Variants in TOB2 observed in about 807,000 individuals in gnomAD.
TOB2 encodes the protein transducer of ERBB2, 2.
In TOB2, 3 loss-of-function variants were observed where a neutral mutation model predicts 17.3. The observed-to-expected ratio is 0.17, with a 90% confidence interval of 0.08 to 0.45. The LOEUF is 0.45. TOB2 is among the 20% of genes least tolerant of loss of function. The pLI is 0.99. For missense variants in TOB2, 407 were observed against 445.7 expected (o/e 0.91, Z 0.78); for synonymous variants, 163 against 185.6 (o/e 0.88, Z 0.99).
At chr22:41,439,772 T>C (rs970390389) in intron 1 of TOB2, among the ~76,000 whole-genome samples, 1 of 152,170 alleles carries the variant, frequency 6.6e-6, no homozygotes, top group African/African-American at 2.4e-5. Context: ...TGCCTTGGTC[T>C]CCCAAAGTGC....
chr22:41,436,668 G>A lies in TOB2; in HGVS notation c.678C>T (p.Ser226=), dbSNP rs764562806. The A allele has an allele frequency of 3.1e-6, 5 of 1,614,056 alleles. No homozygotes were observed. Among genetic ancestry groups the A allele is most frequent in the Non-Finnish European group, 4.2e-6 (5 of 1,180,012 alleles). The change falls in exon 2 of 2, where the codon AGC becomes AGT. Residue 226 remains serine (S), a synonymous_variant. Transcript: ENST00000327492. This position sits in a 1 kb window ranked among gnomAD's most constrained non-coding sequence, Gnocchi z 4.8. ...QPRMARSPTN[S]LLKHKSLSLS... ...GAGAGAGGCTCTTGTGCTTCAGCAG[G>A]CTGTTGGTGGGTGAGCGGGCCATGC...
At chr22:41,439,864 GA>G in intron 1 of TOB2, among the ~76,000 whole-genome samples, 2 of 152,264 alleles carry the variant, frequency 1.3e-5, no homozygotes, top group East Asian at 1.9e-4. Flanking sequence ...TTTCTGGGGT[GA>G]ATGTATCAGA....
rs930092774 is a variant in TOB2, at chr22:41,435,141, G to A, written c.*1170C>T. The A allele has an allele frequency of 6.6e-6, 1 of 152,462 alleles. No homozygotes were observed. The highest frequency in any genetic ancestry group is 2.4e-5 in the African/African-American group (1 of 41,446). 9.4% of individuals were successfully genotyped at this position (152,462 alleles called of 1,614,324 possible). On this transcript the variant is annotated 3_prime_UTR_variant, in exon 2 of 2. Transcript: ENST00000327492. ...CTGGGCTAAGGCCAAACAACAGGAGGGTTGAAGTCCAGGGACTTCTCATAG... is the reference window on the plus strand; with the variant it reads ...CTGGGCTAAGGCCAAACAACAGGAGAGTTGAAGTCCAGGGACTTCTCATAG...
In TOB2 at chr22:41,436,911, G is replaced by A. The variant is rs1187240380; in HGVS notation, c.435C>T (p.Ser145=). 6.2e-7 allele frequency: 1 copy of A among 1,614,074 alleles called. No individual in the cohort carries two copies. Among genetic ancestry groups the A allele is most frequent in the Non-Finnish European group, 8.5e-7 (1 of 1,180,054 alleles). ...GGGAGTTGGACAGGGAGCTGTCCTGGCTGCCAATGGGCACGAACACCTGGG... is the reference window on the plus strand; with the variant it reads ...GGGAGTTGGACAGGGAGCTGTCCTGACTGCCAATGGGCACGAACACCTGGG... The part of the protein sequence containing the change: ...PDAQVFVPIG[S]QDSSLSNSPS... Residue 145 remains serine (S), a synonymous_variant, in exon 2 of 2, where the codon AGC becomes AGT. Coordinates refer to ENST00000327492, the MANE Select transcript of TOB2 (RefSeq NM_016272.4). This position sits in a 1 kb window ranked among gnomAD's most constrained non-coding sequence, Gnocchi z 4.8.
intron 1 of TOB2, among the ~76,000 whole-genome samples, chr22:41,443,444 C>G (rs1459261590): frequency 4.6e-5 from 7 of 151,890 alleles, no homozygotes; most frequent in Admixed American, 2.6e-4. Flanking sequence ...CTCAGCCTCC[C>G]GAGTAGCTGG....
chr22:41,436,855 G>C lies in TOB2; in HGVS notation c.491C>G (p.Pro164Arg). 1.9e-6 allele frequency: 3 copies of C among 1,614,150 alleles called. No homozygotes were observed. Among genetic ancestry groups the C allele is most frequent in the Non-Finnish European group, 2.5e-6 (3 of 1,180,032 alleles). Reference protein sequence around the residue: ...PSPSFGQSPSPTFIPRSAQPI... With the variant: ...PSPSFGQSPSRTFIPRSAQPI... The stretch of plus-strand genomic sequence containing the variant: ...CTGAGCGGAGCGGGGAATGAAGGTA[G>C]GGCTGGGTGACTGGCCAAAGGATGG... The change falls in exon 2 of 2, where the codon CCT becomes CGT. Residue 164 changes from proline to arginine, a missense_variant. By Grantham distance (103) the Pro-to-Arg change is moderately radical. Transcript: ENST00000327492. The surrounding 1 kb of genome is among the most constrained non-coding windows in gnomAD (Gnocchi z 4.8).
intron 1 of TOB2, among the ~76,000 whole-genome samples, chr22:41,440,785 T>C (rs2037609742): frequency 1.3e-5 from 2 of 152,124 alleles, no homozygotes; most frequent in South Asian, 2.1e-4. Context: ...CAGGCTGCTC[T>C]TGAACTCCTG....
intron 1 of TOB2, among the ~76,000 whole-genome samples, chr22:41,440,554 T>G (rs1192610861): frequency 6.7e-6 from 1 of 150,274 alleles, no homozygotes; most frequent in Non-Finnish European, 1.5e-5. Flanking sequence ...ACTACAGGCA[T>G]GTACCACCAC....
chr22:41,437,267 G>C lies in TOB2; in HGVS notation c.79C>G (p.Leu27Val). 1 of 1,614,128 alleles carries C rather than the reference G, an allele frequency of 6.2e-7. No homozygotes were observed. The highest frequency in any genetic ancestry group is 8.5e-7 in the Non-Finnish European group (1 of 1,180,012). ...YNKLPRRRAD[L>V]FGEELERLLK... is the part of the protein sequence containing the mutation. The stretch of plus-strand genomic sequence containing the variant: ...AGCCGCTCTAGCTCCTCCCCAAACA[G>C]GTCTGCCCGGCGCCGGGGCAGCTTG... The change falls in exon 2 of 2, where the codon CTG (leucine) becomes GTG (valine). Residue 27 changes from leucine (L) to valine (V), a missense_variant. Leu to Val is a conservative substitution (Grantham distance 32, BLOSUM62 1). Coordinates refer to ENST00000327492, the MANE Select transcript of TOB2 (RefSeq NM_016272.4).
chr22:41,434,484 CCT>C lies in TOB2; in HGVS notation c.*1825_*1826del, dbSNP rs1273111358. The C allele has an allele frequency of 6.5e-6, 1 of 152,770 alleles. No individual in the cohort carries two copies. Among genetic ancestry groups the C allele is most frequent in the Non-Finnish European group, 1.5e-5 (1 of 68,168 alleles). 9.5% of individuals were successfully genotyped at this position (152,770 alleles called of 1,614,324 possible). A position where few individuals can be genotyped will look rare whatever the true frequency, so the allele number is the denominator to read the frequency against. On this transcript the variant is annotated 3_prime_UTR_variant, in exon 2 of 2. Transcript: ENST00000327492. The stretch of plus-strand genomic sequence containing the variant: ...AAGGGTGGCCCAGACTGGGCTGGCC[CCT>C]GAGAAGTCTAGGGGAACAGATGGTG...
intron 1 of TOB2, among the ~76,000 whole-genome samples, chr22:41,441,314 C>CAAA (rs57013095): frequency 3.5e-4 from 49 of 141,000 alleles, no homozygotes; most frequent in African/African-American, 1.1e-3. Flanking sequence ...GACTCTACCT[C>CAAA]AAAAAAAAAA....
Position 41,436,241 on chromosome 22 carries a change from C to CT in TOB2, c.*69dup, listed in dbSNP as rs992490506. 53 of 1,472,742 alleles carry CT rather than the reference C, an allele frequency of 3.6e-5. No individual in the cohort carries two copies. Among genetic ancestry groups the CT allele is most frequent in the African/African-American group, 2.5e-4 (18 of 70,986 alleles). 91.2% of individuals were successfully genotyped at this position (1,472,742 alleles called of 1,614,324 possible). On this transcript the variant is annotated 3_prime_UTR_variant, in exon 2 of 2. Coordinates refer to ENST00000327492, the MANE Select transcript of TOB2 (RefSeq NM_016272.4). The surrounding 1 kb of genome is among the most constrained non-coding windows in gnomAD (Gnocchi z 4.8). The stretch of plus-strand genomic sequence containing the variant: ...TCTTTTTGTACATTTTTCTTTTCCT[C>CT]TTTTTTTTGGCCTTTCCTTTCTCTT...
intron 1 of TOB2, among the ~76,000 whole-genome samples, chr22:41,440,961 G>A (rs2037612758): frequency 6.6e-6 from 1 of 151,960 alleles, no homozygotes; most frequent in Admixed American, 6.6e-5. Context: ...ACGTGCCTCA[G>A]CCTCAAATGT....
At chr22:41,445,228 T>C (rs1011195774) in intron 1 of TOB2, among the ~76,000 whole-genome samples, 2 of 152,186 alleles carry the variant, frequency 1.3e-5, no homozygotes, top group African/African-American at 4.8e-5. Context: ...CACCTGAGCA[T>C]CTTCTCATAC....
In TOB2 at chr22:41,434,074, C is replaced by A; in HGVS notation, c.*2237G>T. ...GCAAATTATTCAATACAAACGGACACCAAAAAATGTAAAAAATAAAAAAAA... is the reference window on the plus strand; with the variant it reads ...GCAAATTATTCAATACAAACGGACAACAAAAAATGTAAAAAATAAAAAAAA... On this transcript the variant is annotated 3_prime_UTR_variant, in exon 2 of 2. Transcript: ENST00000327492. 6.6e-6 allele frequency: 1 copy of A among 152,646 alleles called. No individual in the cohort carries two copies. Among genetic ancestry groups the A allele is most frequent in the Non-Finnish European group, 1.5e-5 (1 of 68,508 alleles). The allele number at this position is 152,646 out of a possible 1,614,324, so 9.5% of individuals were successfully genotyped here. A position where few individuals can be genotyped will look rare whatever the true frequency, so the allele number is the denominator to read the frequency against.
At chr22:41,440,805 G>C (rs1400583810) in intron 1 of TOB2, among the ~76,000 whole-genome samples, 1 of 151,818 alleles carries the variant, frequency 6.6e-6, no homozygotes, top group Non-Finnish European at 1.5e-5. Flanking sequence ...GGCCTCAAGT[G>C]ATCCACCTGC....
intron 1 of TOB2, among the ~76,000 whole-genome samples, chr22:41,445,766 G>GC (rs1187285652): frequency 6.6e-6 from 1 of 152,102 alleles, no homozygotes. Flanking sequence ...ACTTTTTTCT[G>GC]CCCAATTTTC....
At position 41,446,639 on chromosome 22, in the gene TOB2, CGACGCGGGGAT is replaced by C; in HGVS notation, c.-334_-324del. The C allele has an allele frequency of 6.5e-6, 1 of 153,224 alleles. No individual in the cohort carries two copies. 9.5% of individuals were successfully genotyped at this position (153,224 alleles called of 1,614,324 possible). A position where few individuals can be genotyped will look rare whatever the true frequency, so the allele number is the denominator to read the frequency against. On this transcript the variant is annotated 5_prime_UTR_variant, in exon 1 of 2. Coordinates refer to ENST00000327492, the MANE Select transcript of TOB2 (RefSeq NM_016272.4). ...GGGCGGGCGGGCGGACTAGCGGCGA[CGACGCGGGGAT>C]GGCGGATCGGAGGGTGGTTCGTGTC...
In TOB2 at chr22:41,433,919, TA is replaced by T. The variant is rs1245982129; in HGVS notation, c.*2391del. 2 of 238,056 alleles carry T rather than the reference TA, an allele frequency of 8.4e-6. No homozygotes were observed. The highest frequency in any genetic ancestry group is 4.5e-5 in the African/African-American group (2 of 44,452). The allele number at this position is 238,056 out of a possible 1,614,324, so 14.7% of individuals were successfully genotyped here. A position where few individuals can be genotyped will look rare whatever the true frequency, so the allele number is the denominator to read the frequency against. On this transcript the variant is annotated 3_prime_UTR_variant, in exon 2 of 2. Transcript: ENST00000327492. ...GGTTTTATTTCTCCTCTTTTTTTTTTAAAGTTTGTTTTTCCTGAAAAAATAT... is the reference window on the plus strand; with the variant it reads ...GGTTTTATTTCTCCTCTTTTTTTTTTAAGTTTGTTTTTCCTGAAAAAATAT...
Sources: allele counts gnomAD v4.1 joint callset (sites outside exome capture counted in the v4.1 genomes callset), GRCh38; gene constraint gnomAD v4.1.1; non-coding constraint Gnocchi (gnomAD v3.1); transcripts MANE v1.5; gene names NCBI Gene and HGNC (gene_info 2026-07-23, HGNC 2026-07-21).